Variants in CDA observed in about 807,000 individuals in gnomAD.
CDA encodes cytidine aminohydrolase.
A neutral mutation model predicts 15.0 loss-of-function variants in CDA; 7 were observed. The observed-to-expected ratio is 0.47, with a 90% CI of 0.26 to 0.87. The LOEUF (loss-of-function observed/expected upper bound fraction) is 0.87. CDA is among the 40% of genes least tolerant of loss of function. The pLI is 0.15. For missense variants in CDA, 159 were observed against 182.7 expected, an observed-to-expected ratio of 0.87 and a Z score of 0.75; for synonymous variants, 58 against 73.0, an observed-to-expected ratio of 0.79 and a Z score of 1.05.
At chr1:20,598,150 C>T (rs116010833) in intron 1 of CDA, among the ~76,000 whole-genome samples, 3,248 of 152,218 alleles carry the variant, frequency 0.021, 99 homozygotes, top group African/African-American at 0.073. Flanking sequence ...GACAGGGTCT[C>T]GCTATGTTTA....
intron 1 of CDA, 140 bp from the exon 2 acceptor site, chr1:20,604,788 C>T: frequency 1.4e-6 from 1 of 697,040 alleles, no homozygotes. Flanking sequence ...TCGAATTGCC[C>T]TAATTGCCCT....
chr1:20,605,086 CCAACAT>C lies in CDA; in HGVS notation c.266+49_266+54del, dbSNP rs758213623. On this transcript the variant is annotated intron_variant, in intron 2 of 3. Transcript: ENST00000375071. ...CAACAATATTCATTCATCTCTTTAGCCAACATCTTCCTTACACATATTATTCATTCA... is the reference window on the plus strand; with the variant it reads ...CAACAATATTCATTCATCTCTTTAGCCTTCCTTACACATATTATTCATTCA... 2.8e-6 allele frequency: 3 copies of C among 1,054,184 alleles called. No individual in the cohort carries two copies. The Admixed American group carries it at 5.4e-5, about 19-fold the overall frequency. The allele number at this position is 1,054,184 out of a possible 1,614,324, so 65.3% of individuals were successfully genotyped here.
chr1:20,595,355 C>G (rs199812461), intron 1 of CDA, among the ~76,000 whole-genome samples: 1 of 150,232 alleles, frequency 6.7e-6, no homozygotes, highest in South Asian at 2.1e-4. Context: ...AAACCACCCC[C>G]TGCTGTTCTG....
At chr1:20,598,146 G>A (rs913577176) in intron 1 of CDA, among the ~76,000 whole-genome samples, 1 of 152,182 alleles carries the variant, frequency 6.6e-6, no homozygotes, top group Admixed American at 6.5e-5. Context: ...TAGAGACAGG[G>A]TCTCGCTATG....
chr1:20,600,641 A>G lies in CDA; in HGVS notation c.155-4287A>G, dbSNP rs371168987. Among the ~76,000 whole-genome samples, 60 of 151,896 alleles carry G rather than the reference A, an allele frequency of 4.0e-4. 1 individual carries two copies. The highest frequency in any genetic ancestry group is 1.4e-3 in the African/African-American group (60 of 41,464). ...CATGGTGATGCACACCTGTAATCCC[A>G]GCTATTAGGGAGGCTGAGATGAGAA... On this transcript the variant is annotated intron_variant, in intron 1 of 3. Transcript: ENST00000375071.
intron 3 of CDA, among the ~76,000 whole-genome samples, chr1:20,618,006 TTTC>T (rs2052833076): frequency 6.6e-6 from 1 of 151,922 alleles, no homozygotes; most frequent in Non-Finnish European, 1.5e-5. Context: ...CTAAACCTCT[TTTC>T]TTTATAAATT....
In CDA at chr1:20,618,668, A is replaced by C; in HGVS notation, c.*100A>C. ...CCTGCCCAGTGGGCCCCAGCCCTAC[A>C]GGGACTGGGCAAAGATGATGTTTCC... On this transcript the variant is annotated 3_prime_UTR_variant, in exon 4 of 4. Coordinates refer to ENST00000375071, the MANE Select transcript of CDA (RefSeq NM_001785.3). The C allele has an allele frequency of 1.3e-6, 1 of 790,342 alleles. No homozygotes were observed. The allele number at this position is 790,342 out of a possible 1,614,324, so 49.0% of individuals were successfully genotyped here.
intron 2 of CDA, among the ~76,000 whole-genome samples, chr1:20,612,377 C>G (rs570711100): frequency 6.2e-4 from 95 of 152,168 alleles, no homozygotes; most frequent in Non-Finnish European, 1.2e-3. Context: ...TGAAGAACCA[C>G]AAGAGATGAC....
chr1:20,594,165 C>T (rs528193189), intron 1 of CDA, among the ~76,000 whole-genome samples: 7 of 152,338 alleles, frequency 4.6e-5, no homozygotes, highest in Non-Finnish European at 8.8e-5. Flanking sequence ...CAGCTGGTGT[C>T]CCATCCAATT....
intron 1 of CDA, 83 bp from the exon 2 acceptor site, chr1:20,604,845 G>A (rs2052680067): frequency 1.1e-6 from 1 of 920,374 alleles, no homozygotes; most frequent in African/African-American, 1.6e-5. Flanking sequence ...TTCCTGCTTT[G>A]GAATGGGGCA....
rs1320335247 is a variant in CDA at position 20,610,327 on chromosome 1, A to T, written c.267-3515A>T. On this transcript the variant is annotated intron_variant, in intron 2 of 3. Transcript: ENST00000375071. The stretch of plus-strand genomic sequence containing the variant: ...TTATTTTTATTTTTTTTTGAGATGG[A>T]GTCTTGCTCTGTCACCCAGACTGGA... Among the ~76,000 whole-genome samples the T allele has an allele frequency of 8.7e-5, 12 of 138,344 alleles. 1 individual carries two copies. The highest frequency in any genetic ancestry group is 3.2e-4 in the African/African-American group (12 of 37,230). 90.8% of individuals were successfully genotyped at this position (138,344 alleles called of 152,430 possible).
chr1:20,594,569 C>T (rs186689924), intron 1 of CDA, among the ~76,000 whole-genome samples: 2 of 152,100 alleles, frequency 1.3e-5, no homozygotes, highest in Admixed American at 1.3e-4. Flanking sequence ...GGGCGGATCA[C>T]CTGAGATCAG....
intron 1 of CDA, among the ~76,000 whole-genome samples, chr1:20,590,053 A>G (rs185933181): frequency 6.6e-6 from 1 of 152,326 alleles, no homozygotes; most frequent in East Asian, 1.9e-4. Context: ...GTTTTTGCTA[A>G]GCTTAGAGGC....
At position 20,598,299 on chromosome 1, in the gene CDA, A is replaced by G. The variant is rs1268041133; in HGVS notation, c.155-6629A>G. Among the ~76,000 whole-genome samples, 4 of 152,206 alleles carry G rather than the reference A, an allele frequency of 2.6e-5. No individual in the cohort carries two copies. In the South Asian group the frequency reaches 6.2e-4, roughly 24 times the overall value. Reference sequence around the variant, plus strand: ...TCTCTCTCTTTCACTCTCCTGCCACATGAGGAATAGTGTTCCTCCCCTCCA... The same window carrying G: ...TCTCTCTCTTTCACTCTCCTGCCACGTGAGGAATAGTGTTCCTCCCCTCCA... On this transcript the variant is annotated intron_variant, in intron 1 of 3. Coordinates refer to ENST00000375071, the MANE Select transcript of CDA (RefSeq NM_001785.3).
At chr1:20,611,892 T>C (rs2052755967) in intron 2 of CDA, among the ~76,000 whole-genome samples, 1 of 151,984 alleles carries the variant, frequency 6.6e-6, no homozygotes, top group Admixed American at 6.6e-5. Flanking sequence ...AGACAGGGTC[T>C]CACTCTGTCA....
intron 2 of CDA, among the ~76,000 whole-genome samples, chr1:20,609,404 C>T (rs527776001): frequency 3.9e-5 from 6 of 152,054 alleles, no homozygotes; most frequent in South Asian, 2.1e-4. Context: ...GAGAATGGCG[C>T]GAACCTGGGA....
In CDA at chr1:20,613,996, G is replaced by A. The variant is rs6676236; in HGVS notation, c.324+97G>A. The A allele has an allele frequency of 5.0e-4, 551 of 1,095,760 alleles. 1 individual carries two copies. The African/African-American group carries it at 7.6e-3, about 15-fold the overall frequency. 67.9% of individuals were successfully genotyped at this position (1,095,760 alleles called of 1,614,324 possible). A position where few individuals can be genotyped will look rare whatever the true frequency, so the allele number is the denominator to read the frequency against. Reference sequence around the variant, plus strand: ...TGCAGGCATGGCAGGCATGGCAGGCGTGGAGACACAGCTACTGTCCTGTTT... The same window carrying A: ...TGCAGGCATGGCAGGCATGGCAGGCATGGAGACACAGCTACTGTCCTGTTT... On this transcript the variant is annotated intron_variant, in intron 3 of 3. Coordinates refer to ENST00000375071, the MANE Select transcript of CDA (RefSeq NM_001785.3).
At chr1:20,612,110 G>A (rs1301065758) in intron 2 of CDA, among the ~76,000 whole-genome samples, 7 of 151,852 alleles carry the variant, frequency 4.6e-5, no homozygotes, top group African/African-American at 9.7e-5. Flanking sequence ...TGATCCATCC[G>A]CCTCAGCCTC....
intron 3 of CDA, among the ~76,000 whole-genome samples, chr1:20,615,922 C>T (rs1318881717): frequency 6.6e-6 from 1 of 152,094 alleles, no homozygotes; most frequent in African/African-American, 2.4e-5. Context: ...ATCACTAGAG[C>T]CTAGGAGGTC....
Sources: allele counts gnomAD v4.1 joint callset (sites outside exome capture counted in the v4.1 genomes callset), GRCh38; gene constraint gnomAD v4.1.1; transcripts MANE v1.5; gene names NCBI Gene and HGNC (gene_info 2026-07-23, HGNC 2026-07-21).